The following LOXL1 variants were observed in gnomAD, a reference collection of about 807,000 sequenced individuals.
The protein encoded by LOXL1 is lysyl oxidase homolog 1.
A neutral mutation model predicts 62.2 loss-of-function variants in LOXL1; 31 were observed. That is an observed-to-expected ratio of 0.50 (90% CI 0.37 to 0.67). LOXL1 has a LOEUF of 0.67. Among genes scored for constraint, LOXL1 ranks in the 30% least tolerant of loss-of-function variants. LOXL1 has a pLI of 0.00. For synonymous variants in LOXL1, 403 were observed against 384.4 expected (o/e 1.05, Z -0.56); for missense variants, 775 against 843.4 (o/e 0.92, Z 1.00).
rs141235131 is a variant in LOXL1, at chr15:73,930,994, C to G, written c.1102+3109C>G. Reference sequence around the variant, plus strand: ...GGCTCCCTCGATGTGACCACTCCTGCTATTACCAACCAGGCCCTCCTCTCC... The same window carrying G: ...GGCTCCCTCGATGTGACCACTCCTGGTATTACCAACCAGGCCCTCCTCTCC... On this transcript the variant is annotated intron_variant, in intron 1 of 6. Coordinates refer to ENST00000261921, the MANE Select transcript of LOXL1 (RefSeq NM_005576.4). This position sits in a 1 kb window ranked among gnomAD's most constrained non-coding sequence, Gnocchi z 4.7. Among the ~76,000 whole-genome samples, 345 of 152,276 alleles carry G rather than the reference C, an allele frequency of 2.3e-3. 8 individuals are homozygous for G. The East Asian group carries it at 0.056, about 25-fold the overall frequency.
chr15:73,938,569 G>A (rs367552767), intron 1 of LOXL1, among the ~76,000 whole-genome samples: 9 of 152,202 alleles, frequency 5.9e-5, no homozygotes, highest in African/African-American at 2.2e-4. Context: ...AAATTAGCCA[G>A]GCATGGTGGC....
At chr15:73,940,190 T>C (rs1002069861) in intron 1 of LOXL1, among the ~76,000 whole-genome samples, 3 of 152,112 alleles carry the variant, frequency 2.0e-5, no homozygotes, top group Non-Finnish European at 2.9e-5. Flanking sequence ...GTCTGAGATA[T>C]CATTGCAATC....
intron 1 of LOXL1, among the ~76,000 whole-genome samples, chr15:73,934,525 A>C (rs1260656097): frequency 1.8e-4 from 27 of 151,816 alleles, no homozygotes; most frequent in African/African-American, 2.4e-5. Flanking sequence ...AGATAATACC[A>C]CTCACCCCTG....
intron 1 of LOXL1, among the ~76,000 whole-genome samples, chr15:73,938,277 A>ATCTATCTATCTATCTATCTG (rs1235023591): frequency 6.8e-6 from 1 of 148,012 alleles, no homozygotes; most frequent in Non-Finnish European, 1.5e-5. Flanking sequence ...TAGACTCCGT[A>ATCTATCTATCTATCTATCTG]TCTATCTATC....
intron 2 of LOXL1, among the ~76,000 whole-genome samples, chr15:73,944,340 C>T (rs2068734203): frequency 1.3e-5 from 2 of 152,228 alleles, no homozygotes. Flanking sequence ...GCGCTCCCAG[C>T]TGGGGAGAGG....
Position 73,927,482 on chromosome 15 carries a change from C to T in LOXL1, c.699C>T (p.Arg233=). 1 of 1,459,964 alleles carries T rather than the reference C, an allele frequency of 6.8e-7. No individual in the cohort carries two copies. Among genetic ancestry groups the T allele is most frequent in the Non-Finnish European group, 9.0e-7 (1 of 1,110,596 alleles). The allele number at this position is 1,459,964 out of a possible 1,614,324, so 90.4% of individuals were successfully genotyped here. Residue 233 remains arginine (R), a synonymous_variant, in exon 1 of 7, where the codon CGC becomes CGT. Transcript: ENST00000261921. ...GVIYPYQPRA[R]YEEYGGGEEL... ...TCTACCCCTACCAGCCCCGGGCGCG[C>T]TACGAGGAGTACGGCGGCGGCGAAG...
intron 4 of LOXL1, chr15:73,947,530 C>T (rs72745372): frequency 0.17 from 84,777 of 485,706 alleles, 8,527 homozygotes; most frequent in East Asian, 0.35. Flanking sequence ...TTCCATCAGC[C>T]ACCCTAAATA....
At chr15:73,934,476 C>T (rs1202968238) in intron 1 of LOXL1, among the ~76,000 whole-genome samples, 2 of 152,196 alleles carry the variant, frequency 1.3e-5, no homozygotes, top group Admixed American at 6.5e-5. Context: ...ACCCACTGTG[C>T]ACCTGGGAGA....
intron 1 of LOXL1, among the ~76,000 whole-genome samples, chr15:73,938,327 A>C (rs1462680002): frequency 3.2e-5 from 3 of 93,710 alleles, no homozygotes; most frequent in South Asian, 3.4e-4. Flanking sequence ...AGGTAGATAG[A>C]TAGAACAGGA....
Position 73,951,899 on chromosome 15 carries a change from G to A in LOXL1, c.*62G>A. The A allele has an allele frequency of 7.1e-7, 1 of 1,404,804 alleles. No homozygotes were observed. Among genetic ancestry groups the A allele is most frequent in the Non-Finnish European group, 9.4e-7 (1 of 1,067,840 alleles). The allele number at this position is 1,404,804 out of a possible 1,614,324, so 87.0% of individuals were successfully genotyped here. A position where few individuals can be genotyped will look rare whatever the true frequency, so the allele number is the denominator to read the frequency against. On this transcript the variant is annotated 3_prime_UTR_variant, in exon 7 of 7. Transcript: ENST00000261921. ...CAAAGCAGGCCCTGCTCCCCGGGCA[G>A]CCTCCCGCCGAGGGGCCCAGCCCCC...
intron 1 of LOXL1, among the ~76,000 whole-genome samples, chr15:73,940,978 C>A (rs930964162): frequency 8.6e-5 from 13 of 151,860 alleles, no homozygotes; most frequent in African/African-American, 3.1e-4. Context: ...GGGCAGCAAG[C>A]TGTCTGATGT....
In LOXL1 at chr15:73,951,947, T is replaced by G; in HGVS notation, c.*110T>G. Reference sequence around the variant, plus strand: ...CCCAACCCACAGGCACGGAGGGGCATCCCTCCCTGCCGGCCTCAGGGAGCG... The same window carrying G: ...CCCAACCCACAGGCACGGAGGGGCAGCCCTCCCTGCCGGCCTCAGGGAGCG... On this transcript the variant is annotated 3_prime_UTR_variant, in exon 7 of 7. Transcript: ENST00000261921. The G allele has an allele frequency of 1.0e-6, 1 of 971,094 alleles. No homozygotes were observed. The highest frequency in any genetic ancestry group is 1.4e-6 in the Non-Finnish European group (1 of 721,800). The allele number at this position is 971,094 out of a possible 1,614,324, so 60.2% of individuals were successfully genotyped here. A position where few individuals can be genotyped will look rare whatever the true frequency, so the allele number is the denominator to read the frequency against.
At chr15:73,944,015 T>G (rs561047786) in intron 2 of LOXL1, among the ~76,000 whole-genome samples, 1 of 152,230 alleles carries the variant, frequency 6.6e-6, no homozygotes, top group Non-Finnish European at 1.5e-5. Context: ...TCCGCTGAAC[T>G]AAGCAGAGTG....
chr15:73,949,676 TTGA>T (rs2068770944), intron 6 of LOXL1, 102 bp downstream of exon 6: 1 of 777,698 alleles, frequency 1.3e-6, no homozygotes, highest in Non-Finnish European at 2.2e-6. Flanking sequence ...TTAGGTCACC[TTGA>T]TGGCCGAACG....
At chr15:73,944,118 G>A (rs559829655) in intron 2 of LOXL1, among the ~76,000 whole-genome samples, 27 of 152,332 alleles carry the variant, frequency 1.8e-4, no homozygotes, top group Admixed American at 1.0e-3. Flanking sequence ...TCCAGGGACC[G>A]CAGGCTGAGT....
intron 3 of LOXL1, 83 bp downstream of exon 3, chr15:73,946,637 T>C: frequency 6.8e-7 from 1 of 1,479,786 alleles, no homozygotes. Flanking sequence ...CCTCCCACCA[T>C]GAGCACTCTG....
Position 73,946,456 on chromosome 15 carries a change from G to C in LOXL1, c.1251G>C (p.Arg417=). The stretch of plus-strand genomic sequence containing the variant: ...CTGAGGCCACCGACTACGATGTGCG[G>C]GTGCTACTGCGCTTCCCCCAGCGCG... ...YAPEATDYDV[R]VLLRFPQRVK... is the part of the protein sequence containing the mutation. Residue 417 remains arginine (R), a synonymous_variant, in exon 3 of 7, where the codon CGG becomes CGC. Coordinates refer to ENST00000261921, the MANE Select transcript of LOXL1 (RefSeq NM_005576.4). The C allele has an allele frequency of 1.2e-6, 2 of 1,613,434 alleles. No individual in the cohort carries two copies. Among genetic ancestry groups the C allele is most frequent in the Non-Finnish European group, 1.7e-6 (2 of 1,179,812 alleles).
Position 73,927,335 on chromosome 15 carries a change from C to A in LOXL1, c.552C>A (p.Phe184Leu). The change falls in exon 1 of 7, where the codon TTC becomes TTA. Residue 184 changes from phenylalanine (F) to leucine (L), a missense_variant. Phe to Leu is a conservative substitution (Grantham distance 22, BLOSUM62 0). Transcript: ENST00000261921. ...PQQFPYPQAP[F>L]VSQYENYDPA... ...AGTTCCCCTACCCGCAGGCGCCCTTCGTCAGCCAGTACGAGAACTACGACC... is the reference window on the plus strand; with the variant it reads ...AGTTCCCCTACCCGCAGGCGCCCTTAGTCAGCCAGTACGAGAACTACGACC... The A allele has an allele frequency of 6.2e-7, 1 of 1,602,508 alleles. No homozygotes were observed. The highest frequency in any genetic ancestry group is 1.1e-5 in the South Asian group (1 of 89,864).
At chr15:73,929,823 T>A (rs1426626627) in intron 1 of LOXL1, among the ~76,000 whole-genome samples, 1 of 152,204 alleles carries the variant, frequency 6.6e-6, no homozygotes, top group Non-Finnish European at 1.5e-5. Context: ...GGGCCCCACC[T>A]CTGGGCAGAG....
Sources: gnomAD v4.1 joint callset for allele counts (sites outside exome capture counted in the v4.1 genomes callset) on GRCh38, gnomAD v4.1.1 for gene constraint, Gnocchi (gnomAD v3.1) non-coding constraint, MANE v1.5 for transcripts, NCBI Gene and HGNC (gene_info 2026-07-23, HGNC 2026-07-21) for gene names.